The following PCDHA1 variants were observed in gnomAD, a reference collection of about 807,000 sequenced individuals.
The protein encoded by PCDHA1 is protocadherin alpha-1.
A neutral mutation model predicts 61.3 loss-of-function variants in PCDHA1; 42 were observed. The observed-to-expected ratio is 0.69, with a 90% confidence interval of 0.54 to 0.89. The LOEUF is 0.89. Among genes scored for constraint, PCDHA1 ranks in the 40% least tolerant of loss-of-function variants. The pLI, the probability that PCDHA1 is intolerant of heterozygous loss-of-function variation, is 0.00. For missense variants in PCDHA1, 1,256 were observed against 1,235.3 expected (o/e 1.02, Z -0.25); for synonymous variants, 610 against 553.8 (o/e 1.10, Z -1.43).
chr5:141,006,765 G>T (rs1299930915), intron 3 of PCDHA1, among the ~76,000 whole-genome samples: 3 of 152,174 alleles, frequency 2.0e-5, no homozygotes, highest in Non-Finnish European at 4.4e-5. Context: ...ATGAAGAATA[G>T]AATAGAGAAA....
At position 140,894,452 on chromosome 5, in the gene PCDHA1, A is replaced by G. The variant is rs555452172; in HGVS notation, c.2395-84497A>G. On this transcript the variant is annotated intron_variant, in intron 1 of 3. Coordinates refer to ENST00000504120, the MANE Select transcript of PCDHA1 (RefSeq NM_018900.4). ...ATCCTACCTAGCTCTTTTTTAAAAA[A>G]TATTTTACTTTTTATTCTTGTTTTC... 3.9e-5 allele frequency among the ~76,000 whole-genome samples: 6 copies of G among 152,050 alleles called. No homozygotes were observed. In the East Asian group the frequency reaches 9.6e-4, roughly 24 times the overall value.
At chr5:140,967,944 A>G (rs782135204) in intron 1 of PCDHA1, 4 of 1,613,970 alleles carry the variant, frequency 2.5e-6, no homozygotes. Flanking sequence ...AATGACCAAG[A>G]CTCAGGCCCC....
At position 140,786,741 on chromosome 5, in the gene PCDHA1, C is replaced by G; in HGVS notation, c.451C>G (p.Arg151Gly). 1.2e-6 allele frequency: 2 copies of G among 1,614,210 alleles called. No individual in the cohort carries two copies. The change falls in exon 1 of 4, where the codon CGT becomes GGT. Residue 151 changes from arginine to glycine, a missense_variant. Arg to Gly is a moderately radical substitution (Grantham distance 125). Coordinates refer to ENST00000504120, the MANE Select transcript of PCDHA1 (RefSeq NM_018900.4). ...TCCTGAATCTAGACTCCTGAATTCG[C>G]GTTTTCCGATAGAAGGAGCTGCTGA... is the stretch of plus-strand genomic sequence containing the variant. Reference protein sequence around the residue: ...FIPESRLLNSRFPIEGAADAD... With the variant: ...FIPESRLLNSGFPIEGAADAD...
chr5:140,853,692 C>G, intron 1 of PCDHA1: 1 of 987,924 alleles, frequency 1.0e-6, no homozygotes, highest in Non-Finnish European at 1.2e-6. Context: ...ATCCTTAGAC[C>G]TGCTAACGCA....
chr5:140,887,632 G>T (rs1554183131), intron 1 of PCDHA1, among the ~76,000 whole-genome samples: 1 of 151,834 alleles, frequency 6.6e-6, no homozygotes, highest in Admixed American at 6.6e-5. Context: ...ATGTTAGTCT[G>T]TTGGGGTTTG....
intron 1 of PCDHA1, chr5:140,854,159 C>A (rs1172794260): frequency 2.5e-3 from 847 of 341,142 alleles, no homozygotes; most frequent in Admixed American, 7.6e-3. Context: ...GATTCTGTCT[C>A]AAAAAAAAAA....
intron 1 of PCDHA1, among the ~76,000 whole-genome samples, chr5:140,950,382 A>G (rs1424724989): frequency 3.3e-5 from 5 of 151,950 alleles, no homozygotes; most frequent in African/African-American, 7.2e-5. Context: ...CTTCCATTTG[A>G]ATGATATAGA....
intron 1 of PCDHA1, chr5:140,795,547 G>A: frequency 6.2e-7 from 1 of 1,614,094 alleles, no homozygotes; most frequent in Non-Finnish European, 8.5e-7. Flanking sequence ...TTTGTCTCTC[G>A]TGCTGGGGAA....
At chr5:140,856,964 G>A in intron 1 of PCDHA1, 1 of 1,590,750 alleles carries the variant, frequency 6.3e-7, no homozygotes, top group Non-Finnish European at 8.6e-7. Flanking sequence ...AGTAAATGAT[G>A]CTATTGACTT....
At chr5:140,913,447 CG>C (rs2076342854) in intron 1 of PCDHA1, among the ~76,000 whole-genome samples, 1 of 152,026 alleles carries the variant, frequency 6.6e-6, no homozygotes, top group Non-Finnish European at 1.5e-5. Context: ...TTTTCAGCTC[CG>C]ATTTTATTTA....
Position 140,843,144 on chromosome 5 carries a change from C to T in PCDHA1, c.2394+54460C>T, listed in dbSNP as rs1554139783. ...GACTCGGGCTACAACGCGTGGCTTT[C>T]GTATGAGCTGCAGCCAGCTGCAAGC... On this transcript the variant is annotated intron_variant, in intron 1 of 3. Transcript: ENST00000504120. The T allele has an allele frequency of 2.4e-5, 39 of 1,596,036 alleles. 4 individuals are homozygous for T. Among genetic ancestry groups the T allele is most frequent in the Non-Finnish European group, 3.3e-5 (39 of 1,165,590 alleles).
At chr5:140,856,081 G>T in intron 1 of PCDHA1, 1 of 1,595,042 alleles carries the variant, frequency 6.3e-7, no homozygotes, top group Non-Finnish European at 8.6e-7. Context: ...TGGGGGTCCA[G>T]TGTCTGCTGC....
At position 140,788,352 on chromosome 5, in the gene PCDHA1, G is replaced by A; in HGVS notation, c.2062G>A (p.Gly688Ser). 6.2e-7 allele frequency: 1 copy of A among 1,613,972 alleles called. No individual in the cohort carries two copies. Among genetic ancestry groups the A allele is most frequent in the Non-Finnish European group, 8.5e-7 (1 of 1,179,960 alleles). ...ASSRASVGVA[G>S]PEAALVDVNV... ...TTCGCGGGCGTCGGTGGGTGTCGCG[G>A]GCCCAGAGGCGGCGCTGGTGGATGT... The change falls in exon 1 of 4, where the codon GGC becomes AGC. Residue 688 changes from glycine to serine, a missense_variant. Gly to Ser is a moderately conservative substitution (Grantham distance 56, BLOSUM62 0). Coordinates refer to ENST00000504120, the MANE Select transcript of PCDHA1 (RefSeq NM_018900.4).
chr5:140,941,202 C>CCTTCCTTTCTTTCTTTCTTTCTTT (rs1554213920), intron 1 of PCDHA1, among the ~76,000 whole-genome samples: 8 of 122,742 alleles, frequency 6.5e-5, no homozygotes, highest in Non-Finnish European at 1.1e-4. Flanking sequence ...TTTCTTTCTT[C>CCTTCCTTTCTTTCTTTCTTTCTTT]CTTTCTTTCT....
At chr5:140,862,877 G>T in intron 1 of PCDHA1, 1 of 567,556 alleles carries the variant, frequency 1.8e-6, no homozygotes. Flanking sequence ...CCAGGTATTA[G>T]TGCTGGAACG....
Position 140,968,634 on chromosome 5 carries a change from A to G in PCDHA1, c.2395-10315A>G, listed in dbSNP as rs782166097. ...GGGCAAAATGCTTGGCTTTTTTACC[A>G]TCTAGCCCAGACTTCTGACCTGGAC... On this transcript the variant is annotated intron_variant, in intron 1 of 3. Coordinates refer to ENST00000504120, the MANE Select transcript of PCDHA1 (RefSeq NM_018900.4). 14 of 1,614,176 alleles carry G rather than the reference A, an allele frequency of 8.7e-6. 1 individual carries two copies. The South Asian group carries it at 1.3e-4, about 15-fold the overall frequency.
intron 1 of PCDHA1, chr5:140,807,370 G>A: frequency 6.2e-7 from 1 of 1,608,352 alleles, no homozygotes; most frequent in Non-Finnish European, 8.5e-7. Flanking sequence ...AGCTGGTGCC[G>A]CGCCTGTTCC....
chr5:140,803,353 C>T (rs1481348508), intron 1 of PCDHA1: 3 of 1,614,080 alleles, frequency 1.9e-6, no homozygotes, highest in Admixed American at 1.7e-5. Context: ...CTGCTATATA[C>T]TGCTCTGCGG....
rs781895641 is a variant in PCDHA1, at chr5:140,787,660, A to G, written c.1370A>G (p.Gln457Arg). The G allele has an allele frequency of 6.2e-7, 1 of 1,613,768 alleles. No individual in the cohort carries two copies. The highest frequency in any genetic ancestry group is 8.5e-7 in the Non-Finnish European group (1 of 1,179,916). ...DVNDNAPAFA[Q>R]PEYTVFVKEN... ...AATGACAACGCGCCTGCGTTCGCGC[A>G]GCCCGAGTACACAGTATTCGTGAAG... The change falls in exon 1 of 4, where the codon CAG becomes CGG. Residue 457 changes from glutamine (Q) to arginine (R), a missense_variant. Physicochemically the swap from Gln to Arg is conservative, Grantham distance 43. Coordinates refer to ENST00000504120, the MANE Select transcript of PCDHA1 (RefSeq NM_018900.4).
Sources: gnomAD v4.1 joint callset for allele counts (sites outside exome capture counted in the v4.1 genomes callset) on GRCh38, gnomAD v4.1.1 for gene constraint, MANE v1.5 for transcripts, NCBI Gene and HGNC (gene_info 2026-07-23, HGNC 2026-07-21) for gene names.